TNRC6A: variants seen among roughly 807,000 people sequenced by gnomAD.
TNRC6A encodes trinucleotide repeat-containing gene 6A protein.
A neutral mutation model predicts 221.2 loss-of-function variants in TNRC6A; 44 were observed. The ratio of observed to expected loss-of-function variants is 0.20; its 90% confidence interval spans 0.16 to 0.26. TNRC6A has a LOEUF of 0.26. Among genes scored for constraint, TNRC6A ranks in the 10% least tolerant of loss-of-function variants. The pLI, the probability that TNRC6A is intolerant of heterozygous loss-of-function variation, is 1.00. For missense variants in TNRC6A, 2,199 were observed against 2,404.4 expected (o/e 0.91, Z 1.79); for synonymous variants, 847 against 838.5 (o/e 1.01, Z -0.18).
In TNRC6A at chr16:24,790,104, A is replaced by G. The variant is rs199855746; in HGVS notation, c.1462A>G (p.Met488Val). 35 of 1,614,238 alleles carry G rather than the reference A, an allele frequency of 2.2e-5. No homozygotes were observed. In the East Asian group the frequency reaches 2.5e-4, roughly 11 times the overall value. Residue 488 changes from methionine (M) to valine (V), a missense_variant, in exon 6 of 25, where the codon ATG becomes GTG. Around this residue, in one of 8 missense-constraint regions of TNRC6A, gnomAD observed 1,405 missense variants for 1,400.2 expected, o/e 1.00. Transcript: ENST00000395799. ...CACAGGGGCCTGGCGTGTGAGCACA[A>G]TGAATCATCCTCAGATGCAGGCTCC... ...SNTGAWRVST[M>V]NHPQMQAPSG...
At chr16:24,675,778 T>A (rs74733733) in intron 2 of TNRC6A, among the ~76,000 whole-genome samples, 9,928 of 143,978 alleles carry the variant, frequency 0.069, 421 homozygotes, top group South Asian at 0.12. Flanking sequence ...AGTATCTAAA[T>A]GGGGACTCAT....
At chr16:24,807,480 G>A (rs1051401323) in intron 17 of TNRC6A, among the ~76,000 whole-genome samples, 1 of 152,226 alleles carries the variant, frequency 6.6e-6, no homozygotes, top group African/African-American at 2.4e-5. Context: ...GAGCAGTGCT[G>A]TTTTGGTGAA....
chr16:24,727,130 A>G (rs928853732), upstream of TNRC6A, among the ~76,000 whole-genome samples: 1 of 151,080 alleles, frequency 6.6e-6, no homozygotes, highest in Non-Finnish European at 1.5e-5. Flanking sequence ...CCTGGGTTCA[A>G]GCGATTCTCC....
intron 2 of TNRC6A, among the ~76,000 whole-genome samples, chr16:24,718,419 T>G (rs560262643): frequency 1.3e-5 from 2 of 152,334 alleles, no homozygotes; most frequent in African/African-American, 4.8e-5. Flanking sequence ...GCATTTGAAC[T>G]GGGCTTTGAA....
intron 2 of TNRC6A, among the ~76,000 whole-genome samples, chr16:24,732,830 C>T (rs187272691): frequency 5.9e-5 from 9 of 152,260 alleles, no homozygotes; most frequent in Admixed American, 1.3e-4. Context: ...CTGGGAGTGG[C>T]GCAGAATCGA....
At chr16:24,647,010 T>C (rs1448898077) in intron 2 of TNRC6A, among the ~76,000 whole-genome samples, 1 of 266 alleles carries the variant, frequency 3.8e-3, no homozygotes, top group African/African-American at 0.02. Flanking sequence ...CCCACTCCAG[T>C]TTTGACCTCC....
chr16:24,649,501 A>T (rs1902511054), intron 2 of TNRC6A, among the ~76,000 whole-genome samples: 1 of 150,906 alleles, frequency 6.6e-6, no homozygotes, highest in Non-Finnish European at 1.5e-5. Flanking sequence ...TAGAGACAGG[A>T]TCTCCCTATG....
In TNRC6A at chr16:24,789,812, C is replaced by T; in HGVS notation, c.1170C>T (p.Gly390=). 1 of 1,614,102 alleles carries T rather than the reference C, an allele frequency of 6.2e-7. No homozygotes were observed. The highest frequency in any genetic ancestry group is 8.5e-7 in the Non-Finnish European group (1 of 1,179,998). Residue 390 remains glycine, a synonymous_variant, in exon 6 of 25, where the codon GGC becomes GGT. Coordinates refer to ENST00000395799, the MANE Select transcript of TNRC6A (RefSeq NM_014494.4). ...GGCCTGTAGGGAGTGGTAGTTCTGG[C>T]ATTAATATTCAGTGCAGTACTATAG... ...LKGPVGSGSS[G]INIQCSTIGQ...
At position 24,791,832 on chromosome 16, in the gene TNRC6A, T is replaced by C. The variant is rs199973425; in HGVS notation, c.3175+15T>C. ...CAGTGGCTCTGGTAAGTTTCTATTT[T>C]ATGAAATCAAGCCTTGTTTTAACTT... On this transcript the variant is annotated intron_variant, in intron 6 of 24. Transcript: ENST00000395799. The C allele has an allele frequency of 4.8e-5, 72 of 1,501,528 alleles. No homozygotes were observed. Among genetic ancestry groups the C allele is most frequent in the Non-Finnish European group, 5.8e-5 (66 of 1,130,122 alleles). The allele number at this position is 1,501,528 out of a possible 1,614,324, so 93.0% of individuals were successfully genotyped here.
At chr16:24,819,057 A>G (rs1390147927) in intron 21 of TNRC6A, among the ~76,000 whole-genome samples, 2 of 152,118 alleles carry the variant, frequency 1.3e-5, no homozygotes, top group Admixed American at 6.5e-5. Flanking sequence ...TACGGTAAAC[A>G]TGAATTCTGA....
chr16:24,821,699 T>C (rs1184001510), intron 22 of TNRC6A: 2 of 187,180 alleles, frequency 1.1e-5, no homozygotes, highest in African/African-American at 4.7e-5. Flanking sequence ...CCTTAAAGCT[T>C]CATGCCCTGA....
Position 24,708,246 on chromosome 16 carries a change from T to TC in TNRC6A, n.403-42480_403-42479insC, listed in dbSNP as rs200674807. On this transcript the variant is annotated intron_variant and non_coding_transcript_variant, in intron 2 of 2. Coordinates refer to the TNRC6A transcript ENST00000566108. The stretch of plus-strand genomic sequence containing the variant: ...GTGGTTTTTGATTACATGGATGAGT[T>TC]TTTTTTTTTTTTGAGACGGAGTCTC... Among the ~76,000 whole-genome samples the TC allele has an allele frequency of 1.1e-4, 14 of 125,258 alleles. 1 individual carries two copies. The East Asian group carries it at 1.5e-3, about 13-fold the overall frequency. The allele number at this position is 125,258 out of a possible 152,430, so 82.2% of individuals were successfully genotyped here. A position where few individuals can be genotyped will look rare whatever the true frequency, so the allele number is the denominator to read the frequency against.
intron 18 of TNRC6A, among the ~76,000 whole-genome samples, chr16:24,812,759 C>T (rs902226801): frequency 6.6e-6 from 1 of 151,862 alleles, no homozygotes; most frequent in African/African-American, 2.4e-5. Flanking sequence ...TGCCTAGTTT[C>T]TCCAAGTGTA....
intron 23 of TNRC6A, 46 bp from the exon 24 acceptor site, chr16:24,822,828 G>A: frequency 6.2e-7 from 1 of 1,610,454 alleles, no homozygotes; most frequent in African/African-American, 1.3e-5. Flanking sequence ...CTCCTGGAGG[G>A]CCCGCGGTGA....
chr16:24,645,443 T>C (rs1443778600), intron 2 of TNRC6A, among the ~76,000 whole-genome samples: 1 of 150,954 alleles, frequency 6.6e-6, no homozygotes, highest in Non-Finnish European at 1.5e-5. Flanking sequence ...TGAGCCAAGA[T>C]CACGCCACTG....
upstream of TNRC6A, among the ~76,000 whole-genome samples, chr16:24,726,569 G>T (rs2151115461): frequency 6.6e-6 from 1 of 152,262 alleles, no homozygotes; most frequent in African/African-American, 2.4e-5. Flanking sequence ...GAGCAGTTTT[G>T]CAGGAGGGAT....
chr16:24,703,477 C>A (rs2056030018), intron 2 of TNRC6A, among the ~76,000 whole-genome samples: 1 of 152,120 alleles, frequency 6.6e-6, no homozygotes, highest in African/African-American at 2.4e-5. Flanking sequence ...ACTCAGGAGG[C>A]CGAGGTAAGA....
Position 24,785,521 on chromosome 16 carries a change from T to C in TNRC6A, c.590-3711T>C, listed in dbSNP as rs190195120. 4.1e-4 allele frequency among the ~76,000 whole-genome samples: 62 copies of C among 152,382 alleles called. 1 individual carries two copies. In the Middle Eastern group the frequency reaches 0.017, roughly 42 times the overall value. ...ATTTTCTCCTGGATTATTTTTGGCA[T>C]ATAGAAAGGAAATTGTTTTTTCATG... On this transcript the variant is annotated intron_variant, in intron 5 of 24. Coordinates refer to ENST00000395799, the MANE Select transcript of TNRC6A (RefSeq NM_014494.4).
intron 2 of TNRC6A, among the ~76,000 whole-genome samples, chr16:24,655,660 G>A (rs1596605507): frequency 1.3e-5 from 2 of 152,008 alleles, no homozygotes; most frequent in Non-Finnish European, 2.9e-5. Flanking sequence ...CTGCACTCCA[G>A]CCTGGGCGAC....
Sources: gnomAD v4.1 joint callset for allele counts (sites outside exome capture counted in the v4.1 genomes callset) on GRCh38, gnomAD v4.1.1 for gene constraint, gnomAD v4.1.1 regional missense constraint, MANE v1.5 for transcripts, NCBI Gene and HGNC (gene_info 2026-07-23, HGNC 2026-07-21) for gene names.